Variants in SLC47A2 observed in about 807,000 individuals in gnomAD.
SLC47A2 encodes solute carrier family 47 member 2, also known as multidrug and toxin extrusion protein 2.
A neutral mutation model predicts 67.7 loss-of-function variants in SLC47A2; 52 were observed. That is an observed-to-expected ratio of 0.77 (90% confidence interval 0.61 to 0.97). The LOEUF (loss-of-function observed/expected upper bound fraction) is 0.97. Ranked by LOEUF, SLC47A2 falls within the 50% of genes least tolerant of loss-of-function variation. The pLI is 0.00. For missense variants in SLC47A2, 676 were observed against 712.3 expected (o/e 0.95, Z 0.58); for synonymous variants, 278 against 292.9 (o/e 0.95, Z 0.52).
At chr17:19,703,299 A>G (rs1308383745) in intron 11 of SLC47A2, 132 bp from the exon 12 acceptor site, 12 of 739,336 alleles carry the variant, frequency 1.6e-5, no homozygotes, top group Non-Finnish European at 2.8e-5. Context: ...CTTTTGTCAC[A>G]GGCCTTCATG....
rs927425043 is a variant in SLC47A2, at chr17:19,693,350, A to G, written c.1164+9255T>C. Among the ~76,000 whole-genome samples, 17 of 152,166 alleles carry G rather than the reference A, an allele frequency of 1.1e-4. 1 individual carries two copies. Among genetic ancestry groups the G allele is most frequent in the Admixed American group, 9.2e-4 (14 of 15,280 alleles). On this transcript the variant is annotated intron_variant, in intron 13 of 16. Coordinates refer to ENST00000433844, the MANE Select transcript of SLC47A2 (RefSeq NM_001099646.3). ...TAGGAATTAGAAGGGATCTTTCTCA[A>G]CTTGAAAAAGGGCATTTAGGGAAAT...
intron 16 of SLC47A2, 115 bp from the exon 17 acceptor site, chr17:19,679,021 G>C (rs2085252577): frequency 1.3e-6 from 1 of 784,084 alleles, no homozygotes; most frequent in Non-Finnish European, 2.2e-6. Flanking sequence ...ACCTCACAAG[G>C]GACGATGCCT....
At chr17:19,715,728 CG>C (rs1339577627) in intron 1 of SLC47A2, 1 of 49,660 alleles carries the variant, frequency 2.0e-5, no homozygotes, top group Non-Finnish European at 3.9e-5. Context: ...TTTTTTGAGA[CG>C]GAGTTTCGCC....
At position 19,708,291 on chromosome 17, in the gene SLC47A2, C is replaced by A; in HGVS notation, c.629+11G>T. ...GTCCCCTGACCAGGCCCCACCAGCC[C>A]CCGGGCTCACCTGACCCCCAGGTTC... On this transcript the variant is annotated intron_variant, in intron 7 of 16. Coordinates refer to ENST00000433844, the MANE Select transcript of SLC47A2 (RefSeq NM_001099646.3). The A allele has an allele frequency of 6.2e-7, 1 of 1,612,214 alleles. No individual in the cohort carries two copies. Among genetic ancestry groups the A allele is most frequent in the Non-Finnish European group, 8.5e-7 (1 of 1,180,012 alleles).
At position 19,678,709 on chromosome 17, in the gene SLC47A2, TGACCGTG is replaced by T. The variant is rs2152335893; in HGVS notation, c.1671_1677del (p.Thr558GlyfsTer3). ...TGCTAGTGCCTGGTGGCTAGGATCC[TGACCGTG>T]AGCCCCACCATCAGTGTGGCTGACG... On this transcript the variant is annotated frameshift_variant, in exon 17 of 17. Transcript: ENST00000433844. LOFTEE classifies it high-confidence loss of function. The T allele has an allele frequency of 1.2e-6, 2 of 1,613,074 alleles. No homozygotes were observed. The highest frequency in any genetic ancestry group is 2.2e-5 in the East Asian group (1 of 44,884).
intron 9 of SLC47A2, 26 bp downstream of exon 9, chr17:19,706,622 T>C (rs367776232): frequency 6.7e-5 from 103 of 1,546,470 alleles, no homozygotes; most frequent in Admixed American, 3.2e-4. Context: ...CACACGCCAT[T>C]GCGCCCCCCA....
intron 13 of SLC47A2, among the ~76,000 whole-genome samples, chr17:19,691,176 C>A (rs1367542161): frequency 6.6e-6 from 1 of 151,194 alleles, no homozygotes; most frequent in African/African-American, 2.4e-5. Context: ...TAAATTAGTA[C>A]AGCCACTGTG....
At chr17:19,716,781 CTG>C (rs551738220), upstream of SLC47A2, 84 of 592,834 alleles carry the variant, frequency 1.4e-4, no homozygotes, top group Admixed American at 2.9e-4. Context: ...GGACAGGTTC[CTG>C]GGAGTCACCC....
At position 19,685,476 on chromosome 17, in the gene SLC47A2, A is replaced by G. The variant is rs1025466056; in HGVS notation, c.1165-3806T>C. Among the ~76,000 whole-genome samples the G allele has an allele frequency of 4.0e-5, 6 of 151,868 alleles. No homozygotes were observed. The highest frequency in any genetic ancestry group is 8.8e-5 in the Non-Finnish European group (6 of 67,972). On this transcript the variant is annotated intron_variant, in intron 13 of 16. Coordinates refer to ENST00000433844, the MANE Select transcript of SLC47A2 (RefSeq NM_001099646.3). The surrounding 1 kb of genome is among the most constrained non-coding windows in gnomAD (Gnocchi z 4.5). ...TGGCCGCCCCGTCTGGGAAGTGAGGAGTGCCTCTGCCCAGTCGCCCCATCT... is the reference window on the plus strand; with the variant it reads ...TGGCCGCCCCGTCTGGGAAGTGAGGGGTGCCTCTGCCCAGTCGCCCCATCT...
chr17:19,678,328 T>G lies in SLC47A2; in HGVS notation c.*358A>C, dbSNP rs1597580690. 1 of 233,368 alleles carries G rather than the reference T, an allele frequency of 4.3e-6. No homozygotes were observed. Among genetic ancestry groups the G allele is most frequent in the East Asian group, 9.3e-5 (1 of 10,810 alleles). 14.5% of individuals were successfully genotyped at this position (233,368 alleles called of 1,614,324 possible). ...AGCAGCAGGCTGTGCCCAGGAAATG[T>G]GTAATCTTTAATATAACAGTGGTTT... On this transcript the variant is annotated 3_prime_UTR_variant, in exon 17 of 17. Transcript: ENST00000433844.
Position 19,702,587 on chromosome 17 carries a change from G to A in SLC47A2, c.1164+18C>T, listed in dbSNP as rs2085813949. On this transcript the variant is annotated intron_variant, in intron 13 of 16. Transcript: ENST00000433844. ...TCATGTCCCAGGGAGTCAGGCTTTG[G>A]ATCAAAGTGGTACTTACACAGATGG... is the stretch of plus-strand genomic sequence containing the variant. 2.5e-6 allele frequency: 4 copies of A among 1,613,324 alleles called. No homozygotes were observed. Among genetic ancestry groups the A allele is most frequent in the Non-Finnish European group, 3.4e-6 (4 of 1,179,842 alleles).
At chr17:19,716,231 T>G in intron 1 of SLC47A2, 2 of 792,604 alleles carry the variant, frequency 2.5e-6, no homozygotes, top group Non-Finnish European at 3.8e-6. Flanking sequence ...CTGAGCAAAG[T>G]CAGGCCCCAC....
rs2085472517 is a variant in SLC47A2 at position 19,688,409 on chromosome 17, C to G, written c.1165-6739G>C. Among the ~76,000 whole-genome samples the G allele has an allele frequency of 2.0e-5, 3 of 151,770 alleles. No individual in the cohort carries two copies. The South Asian group carries it at 6.2e-4, about 32-fold the overall frequency. On this transcript the variant is annotated intron_variant, in intron 13 of 16. Transcript: ENST00000433844. ...AACAGACCCACAGCTAGTATCATAC[C>G]AAACGGGAGAATTGGAAGCCTTCCC... is the stretch of plus-strand genomic sequence containing the variant.
At chr17:19,714,589 G>A in intron 3 of SLC47A2, 132 bp downstream of exon 3, 1 of 992,008 alleles carries the variant, frequency 1.0e-6, no homozygotes, top group Non-Finnish European at 1.6e-6. Flanking sequence ...GGTAGGGCAG[G>A]GGCAGCTGAC....
At chr17:19,684,920 A>C (rs907308168) in intron 13 of SLC47A2, among the ~76,000 whole-genome samples, 3 of 151,660 alleles carry the variant, frequency 2.0e-5, no homozygotes, top group Non-Finnish European at 4.4e-5. Flanking sequence ...ATCTCGGTTC[A>C]CTGCAACCTC....
Position 19,678,789 on chromosome 17 carries a change from A to C in SLC47A2, c.1598T>G (p.Leu533Arg). 1.2e-6 allele frequency: 2 copies of C among 1,614,262 alleles called. No individual in the cohort carries two copies. Among genetic ancestry groups the C allele is most frequent in the Non-Finnish European group, 1.7e-6 (2 of 1,180,046 alleles). The change falls in exon 17 of 17, where the codon CTA (leucine) becomes CGA (arginine). Residue 533 changes from leucine (L) to arginine (R), a missense_variant. Physicochemically the swap from Leu to Arg is moderately radical, Grantham distance 102 (BLOSUM62 -2). Transcript: ENST00000433844. ...GCGGATGACCAGCTGTTTCACTGATAGTCTGCTGGTAGGAGCTGAAAGGGC... is the reference window on the plus strand; with the variant it reads ...GCGGATGACCAGCTGTTTCACTGATCGTCTGCTGGTAGGAGCTGAAAGGGC... ...AHALSAPTSR[L>R]SVKQLVIRRG...
rs1322852515 is a variant in SLC47A2, at chr17:19,685,095, C to G, written c.1165-3425G>C. Among the ~76,000 whole-genome samples, 1 of 152,220 alleles carries G rather than the reference C, an allele frequency of 6.6e-6. No individual in the cohort carries two copies. Among genetic ancestry groups the G allele is most frequent in the Non-Finnish European group, 1.5e-5 (1 of 68,042 alleles). ...TCCTAGCCTCGGGTGAAGTGCCCGC[C>G]TCGGCCTCCTGAGGTGCTGGGATTG... On this transcript the variant is annotated intron_variant, in intron 13 of 16. Coordinates refer to ENST00000433844, the MANE Select transcript of SLC47A2 (RefSeq NM_001099646.3). The surrounding 1 kb of genome is among the most constrained non-coding windows in gnomAD (Gnocchi z 4.5).
In SLC47A2 at chr17:19,708,231, T is replaced by C. The variant is rs1289105047; in HGVS notation, c.629+71A>G. 3.3e-6 allele frequency: 5 copies of C among 1,538,188 alleles called. No individual in the cohort carries two copies. In the East Asian group the frequency reaches 6.8e-5, roughly 21 times the overall value. Reference sequence around the variant, plus strand: ...GGCAGGGCCAGGATGGTGACTGATCTGTCTCCACCAGGGGTGGAGAGCTCA... The same window carrying C: ...GGCAGGGCCAGGATGGTGACTGATCCGTCTCCACCAGGGGTGGAGAGCTCA... On this transcript the variant is annotated intron_variant, in intron 7 of 16. Coordinates refer to ENST00000433844, the MANE Select transcript of SLC47A2 (RefSeq NM_001099646.3).
At chr17:19,711,859 A>T (rs992860174) in intron 5 of SLC47A2, among the ~76,000 whole-genome samples, 17 of 152,146 alleles carry the variant, frequency 1.1e-4, no homozygotes, top group Admixed American at 6.5e-4. Context: ...ATTTACCACA[A>T]ATCTTATTTA....
Sources: allele counts gnomAD v4.1 joint callset (sites outside exome capture counted in the v4.1 genomes callset), GRCh38; gene constraint gnomAD v4.1.1; non-coding constraint Gnocchi (gnomAD v3.1); transcripts MANE v1.5; gene names NCBI Gene and HGNC (gene_info 2026-07-23, HGNC 2026-07-21).